The following ABTB3 variants were observed in gnomAD, a reference collection of about 807,000 sequenced individuals.
The protein encoded by ABTB3 is ankyrin repeat- and BTB/POZ domain-containing protein 3.
chr12:107,511,529 CCTT>C, the ABTB3 span, among the ~76,000 whole-genome samples: 1 of 151,742 alleles, frequency 6.6e-6, no homozygotes, highest in Non-Finnish European at 1.5e-5. Context: ...CTCCATGTGT[CCTT>C]CTTATCCTCC....
chr12:107,580,718 C>T, the ABTB3 span: 3 of 1,127,870 alleles, frequency 2.7e-6, no homozygotes, highest in African/African-American at 4.7e-5. Flanking sequence ...ACACCTTAGG[C>T]TTGGGTCCAC....
the ABTB3 span, among the ~76,000 whole-genome samples, chr12:107,524,543 C>T: frequency 3.3e-5 from 5 of 152,112 alleles, no homozygotes; most frequent in South Asian, 2.1e-4. Context: ...ACAATAATAA[C>T]GGCAGCAGCT....
the ABTB3 span, chr12:107,614,965 A>G: frequency 3.0e-6 from 3 of 1,010,428 alleles, no homozygotes; most frequent in East Asian, 2.6e-5. Context: ...CTTTTTGTCC[A>G]TCTCTAGCCC....
At chr12:107,574,976 A>G in the ABTB3 span, among the ~76,000 whole-genome samples, 2 of 152,116 alleles carry the variant, frequency 1.3e-5, no homozygotes, top group African/African-American at 2.4e-5. Context: ...TACCTCTACC[A>G]TCTTCCCGGC....
At chr12:107,332,295 C>T in the ABTB3 span, among the ~76,000 whole-genome samples, 3 of 152,210 alleles carry the variant, frequency 2.0e-5, no homozygotes, top group Non-Finnish European at 4.4e-5. Flanking sequence ...AAGCCCAGCA[C>T]ATCGTCATGG....
the ABTB3 span, among the ~76,000 whole-genome samples, chr12:107,559,646 C>T: frequency 2.6e-5 from 4 of 152,268 alleles, no homozygotes; most frequent in East Asian, 1.9e-4. Context: ...GAAGTAGCCC[C>T]GGCAGTAAAT....
At chr12:107,405,691 G>C in the ABTB3 span, among the ~76,000 whole-genome samples, 1 of 152,366 alleles carries the variant, frequency 6.6e-6, no homozygotes, top group South Asian at 2.1e-4. Context: ...CGGTCCCTGG[G>C]GGGGCTGTGC....
At chr12:107,483,386 T>C in the ABTB3 span, among the ~76,000 whole-genome samples, 2 of 152,128 alleles carry the variant, frequency 1.3e-5, no homozygotes, top group African/African-American at 2.4e-5. Context: ...GTAGGGAATA[T>C]TGGGGGAGTG....
chr12:107,456,328 G>A, the ABTB3 span, among the ~76,000 whole-genome samples: 2 of 152,232 alleles, frequency 1.3e-5, no homozygotes, highest in African/African-American at 2.4e-5. Flanking sequence ...TGAGTGGCAG[G>A]CAAGCAAGCG....
At chr12:107,370,950 C>T in the ABTB3 span, among the ~76,000 whole-genome samples, 2 of 151,906 alleles carry the variant, frequency 1.3e-5, no homozygotes, top group Non-Finnish European at 2.9e-5. Flanking sequence ...GTGACCACCT[C>T]CTACTATACG....
chr12:107,376,099 C>T, the ABTB3 span, among the ~76,000 whole-genome samples: 2 of 152,232 alleles, frequency 1.3e-5, no homozygotes, highest in East Asian at 3.9e-4. Context: ...ACCCCATGGC[C>T]CCCGTCCTCA....
the ABTB3 span, among the ~76,000 whole-genome samples, chr12:107,547,201 AAGG>A: frequency 1.3e-5 from 2 of 150,540 alleles, no homozygotes; most frequent in African/African-American, 2.4e-5. Context: ...CTTGAAGAAG[AAGG>A]AGAAGAAGGA....
chr12:107,597,579 A>T, the ABTB3 span, among the ~76,000 whole-genome samples: 1 of 152,190 alleles, frequency 6.6e-6, no homozygotes, highest in Admixed American at 6.5e-5. Context: ...ACCTCAAAAC[A>T]CTACCACAAT....
chr12:107,560,109 C>A, the ABTB3 span, among the ~76,000 whole-genome samples: 5 of 152,214 alleles, frequency 3.3e-5, no homozygotes, highest in East Asian at 9.7e-4. Flanking sequence ...CCTGGTAGTA[C>A]TATAGAACAT....
chr12:107,342,484 C>G, the ABTB3 span, among the ~76,000 whole-genome samples: 1 of 152,158 alleles, frequency 6.6e-6, no homozygotes, highest in African/African-American at 2.4e-5. Context: ...CCACTCAGAA[C>G]ATCTCAAGAA....
the ABTB3 span, among the ~76,000 whole-genome samples, chr12:107,506,901 C>T: frequency 6.6e-6 from 1 of 152,176 alleles, no homozygotes; most frequent in African/African-American, 2.4e-5. Context: ...TAGGGGTTAC[C>T]TCTGGAGAGT....
the ABTB3 span, among the ~76,000 whole-genome samples, chr12:107,616,173 G>A: frequency 2.0e-5 from 3 of 152,196 alleles, no homozygotes; most frequent in Admixed American, 2.0e-4. Flanking sequence ...TGGTGGTCTG[G>A]TGGACACAGA....
chr12:107,428,497 C>T, the ABTB3 span, among the ~76,000 whole-genome samples: 1 of 152,150 alleles, frequency 6.6e-6, no homozygotes, highest in African/African-American at 2.4e-5. Context: ...AAGGAATAAA[C>T]ATCCCAGCAT....
At chr12:107,354,101 C>T in the ABTB3 span, among the ~76,000 whole-genome samples, 7 of 152,216 alleles carry the variant, frequency 4.6e-5, no homozygotes, top group East Asian at 3.9e-4. Flanking sequence ...ACCGCAAATA[C>T]GATACAGAAT....
Sources: gnomAD v4.1 joint callset for allele counts (sites outside exome capture counted in the v4.1 genomes callset) on GRCh38, gnomAD v4.1.1 for gene constraint, MANE v1.5 for transcripts, NCBI Gene and HGNC (gene_info 2026-07-23, HGNC 2026-07-21) for gene names.